Variants in SLC29A1 observed in about 807,000 individuals in gnomAD.
The protein encoded by SLC29A1 is solute carrier family 29 member 1 (Augustine blood group).
A neutral mutation model predicts 48.3 loss-of-function variants in SLC29A1; 22 were observed. That is an observed-to-expected ratio of 0.46 (90% confidence interval 0.33 to 0.65). The LOEUF is 0.65. Among genes scored for constraint, SLC29A1 ranks in the 30% least tolerant of loss-of-function variants. The pLI is 0.03. For missense variants in SLC29A1, 491 were observed against 575.3 expected, an observed-to-expected ratio of 0.85 and a Z score of 1.50; for synonymous variants, 228 against 231.0, an observed-to-expected ratio of 0.99 and a Z score of 0.12.
chr6:44,227,128 G>A, intron 1 of SLC29A1, 135 bp from the exon 2 acceptor site: 1 of 1,398,140 alleles, frequency 7.2e-7, no homozygotes, highest in African/African-American at 1.4e-5. Flanking sequence ...GTCCTGAGGG[G>A]CAGGGTGCAG....
chr6:44,231,371 G>T lies in SLC29A1; in HGVS notation c.774G>T (p.Glu258Asp). 3 of 1,595,410 alleles carry T rather than the reference G, an allele frequency of 1.9e-6. No individual in the cohort carries two copies. Among genetic ancestry groups the T allele is most frequent in the Non-Finnish European group, 2.6e-6 (3 of 1,167,300 alleles). Residue 258 changes from glutamate (E) to aspartate (D), a missense_variant, in exon 9 of 13, where the codon GAG becomes GAT. Physicochemically the swap from Glu to Asp is conservative, Grantham distance 45. Coordinates refer to ENST00000371755, the MANE Select transcript of SLC29A1 (RefSeq NM_001372327.1). ...TKLDLISKGEEPRAGKEESGV... is the reference protein window; with the variant it reads ...TKLDLISKGEDPRAGKEESGV... Reference sequence around the variant, plus strand: ...ATTTCTTCCATCCCGCAGGAGAGGAGCCAAGAGCAGGCAAAGAGGAATCTG... The same window carrying T: ...ATTTCTTCCATCCCGCAGGAGAGGATCCAAGAGCAGGCAAAGAGGAATCTG...
chr6:44,228,094 T>C (rs1381432873), intron 2 of SLC29A1, among the ~76,000 whole-genome samples: 2 of 152,260 alleles, frequency 1.3e-5, no homozygotes, highest in East Asian at 1.9e-4. Context: ...GCTAAAAGTA[T>C]CTACTTCCCA....
In SLC29A1 at chr6:44,233,570, G is replaced by C; in HGVS notation, c.*42G>C. Reference sequence around the variant, plus strand: ...GGACTGCCTGCCTCCCTCCCTGTCTGCCTCCTGCCCCTTCCTTCTGCCAGG... The same window carrying C: ...GGACTGCCTGCCTCCCTCCCTGTCTCCCTCCTGCCCCTTCCTTCTGCCAGG... On this transcript the variant is annotated 3_prime_UTR_variant, in exon 13 of 13. Transcript: ENST00000371755. 6.7e-7 allele frequency: 1 copy of C among 1,488,570 alleles called. No individual in the cohort carries two copies. The highest frequency in any genetic ancestry group is 9.4e-7 in the Non-Finnish European group (1 of 1,065,694). The allele number at this position is 1,488,570 out of a possible 1,614,324, so 92.2% of individuals were successfully genotyped here. A position where few individuals can be genotyped will look rare whatever the true frequency, so the allele number is the denominator to read the frequency against.
At chr6:44,228,001 A>G (rs1335600197) in intron 2 of SLC29A1, among the ~76,000 whole-genome samples, 1 of 152,180 alleles carries the variant, frequency 6.6e-6, no homozygotes, top group Non-Finnish European at 1.5e-5. Context: ...GCCAAAGGCT[A>G]TGAAACTAGG....
Position 44,232,704 on chromosome 6 carries a change from T to G in SLC29A1, c.1060-103T>G. On this transcript the variant is annotated intron_variant, in intron 11 of 12. Transcript: ENST00000371755. The surrounding 1 kb of genome is among the most constrained non-coding windows in gnomAD (Gnocchi z 4.7). The stretch of plus-strand genomic sequence containing the variant: ...TAACCCCCTAAGGAGAACCAGGCTT[T>G]GAGGTTTCAGTTCAGATCCTGAGGG... 4.7e-5 allele frequency: 51 copies of G among 1,074,652 alleles called. No homozygotes were observed. Among genetic ancestry groups the G allele is most frequent in the Non-Finnish European group, 6.4e-5 (46 of 724,386 alleles). The allele number at this position is 1,074,652 out of a possible 1,614,324, so 66.6% of individuals were successfully genotyped here. A position where few individuals can be genotyped will look rare whatever the true frequency, so the allele number is the denominator to read the frequency against.
At position 44,229,561 on chromosome 6, in the gene SLC29A1, T is replaced by C; in HGVS notation, c.112-28T>C. The C allele has an allele frequency of 6.2e-7, 1 of 1,612,816 alleles. No homozygotes were observed. On this transcript the variant is annotated intron_variant, in intron 3 of 12. Coordinates refer to ENST00000371755, the MANE Select transcript of SLC29A1 (RefSeq NM_001372327.1). This position sits in a 1 kb window ranked among gnomAD's most constrained non-coding sequence, Gnocchi z 5.1. Reference sequence around the variant, plus strand: ...GCTGGTAGGCACAGGGAAAGAGATTTCAACACTCCTCTCTGCAACCCCTGC... The same window carrying C: ...GCTGGTAGGCACAGGGAAAGAGATTCCAACACTCCTCTCTGCAACCCCTGC...
At chr6:44,221,883 G>A (rs1776470342), upstream of SLC29A1, among the ~76,000 whole-genome samples, 1 of 152,202 alleles carries the variant, frequency 6.6e-6, no homozygotes, top group Non-Finnish European at 1.5e-5. The surrounding 1 kb of genome is among the most constrained non-coding windows in gnomAD (Gnocchi z 4.2). Context: ...GTGGGGAGAG[G>A]AACCAGCCTT....
chr6:44,226,574 A>G (rs1036253449), intron 1 of SLC29A1: 15 of 191,026 alleles, frequency 7.9e-5, no homozygotes, highest in African/African-American at 1.2e-4. Flanking sequence ...GCAACTAGGA[A>G]GCCCCTGGGC....
chr6:44,230,747 A>T, intron 7 of SLC29A1, 64 bp from the exon 8 acceptor site: 1 of 1,580,686 alleles, frequency 6.3e-7, no homozygotes, highest in Non-Finnish European at 8.7e-7. Context: ...CAAAACCTGA[A>T]GGAGGCCGGG....
chr6:44,230,795 C>G lies in SLC29A1; in HGVS notation c.688-16C>G. The G allele has an allele frequency of 6.2e-7, 1 of 1,610,312 alleles. No individual in the cohort carries two copies. Reference sequence around the variant, plus strand: ...CTGCCTCTAAATCCACCTCCCCCGTCTCCCTTACTTGATAGGAATTCTACC... The same window carrying G: ...CTGCCTCTAAATCCACCTCCCCCGTGTCCCTTACTTGATAGGAATTCTACC... On this transcript the variant is annotated splice_polypyrimidine_tract_variant and intron_variant, in intron 7 of 12. Transcript: ENST00000371755.
intron 1 of SLC29A1, chr6:44,224,033 CGAGCGGAGGTGCAGGCTCGCG>C (rs1776906780): frequency 2.9e-5 from 1 of 34,672 alleles, no homozygotes; most frequent in African/African-American, 1.4e-3. Context: ...TGGAGGCTCG[CGAGCGGAGGTGCAGGCTCGCG>C]AGCGGAGGTG....
Position 44,230,377 on chromosome 6 carries a change from TTGGTC to T in SLC29A1, c.489_493del (p.Leu164TrpfsTer76). On this transcript the variant is annotated frameshift_variant, in exon 6 of 13. Transcript: ENST00000371755. LOFTEE classifies it high-confidence loss of function. ...GGTGCCATCCTGCAGGGCAGCCTGT[TTGGTC>T]TGGCTGGCCTTCTGCCTGCCAGCTA... The T allele has an allele frequency of 6.2e-7, 1 of 1,613,842 alleles. No individual in the cohort carries two copies. The highest frequency in any genetic ancestry group is 8.5e-7 in the Non-Finnish European group (1 of 1,179,748).
At chr6:44,228,984 C>T (rs1778211875) in intron 2 of SLC29A1, among the ~76,000 whole-genome samples, 1 of 152,220 alleles carries the variant, frequency 6.6e-6, no homozygotes, top group African/African-American at 2.4e-5. Flanking sequence ...TAATTACTTC[C>T]AGCCTGCCTG....
chr6:44,233,975 C>T lies in SLC29A1; in HGVS notation c.*447C>T, dbSNP rs112703920. ...TATACTCCATTCTCCCCTGCGCCTC[C>T]TCCTCTGTGTTCTCTCCATGTCCCC... is the stretch of plus-strand genomic sequence containing the variant. On this transcript the variant is annotated 3_prime_UTR_variant, in exon 13 of 13. Coordinates refer to ENST00000371755, the MANE Select transcript of SLC29A1 (RefSeq NM_001372327.1). 382 of 172,674 alleles carry T rather than the reference C, an allele frequency of 2.2e-3. 1 individual carries two copies. The highest frequency in any genetic ancestry group is 8.1e-3 in the Middle Eastern group (3 of 370). The allele number at this position is 172,674 out of a possible 1,614,324, so 10.7% of individuals were successfully genotyped here.
Position 44,230,816 on chromosome 6 carries a change from C to G in SLC29A1, c.693C>G (p.Phe231Leu). ...CCGTCTCCCTTACTTGATAGGAATT[C>G]TACCGCTACTACCAGCAGCTCAAGC... is the stretch of plus-strand genomic sequence containing the variant. ...ICYLGLPRLE[F>L]YRYYQQLKLE... The change falls in exon 8 of 13, where the codon TTC becomes TTG. Residue 231 changes from phenylalanine (F) to leucine (L), a missense_variant. Coordinates refer to ENST00000371755, the MANE Select transcript of SLC29A1 (RefSeq NM_001372327.1). 1 of 1,613,898 alleles carries G rather than the reference C, an allele frequency of 6.2e-7. No homozygotes were observed. The highest frequency in any genetic ancestry group is 8.5e-7 in the Non-Finnish European group (1 of 1,179,766).
intron 2 of SLC29A1, among the ~76,000 whole-genome samples, chr6:44,228,577 G>C (rs955609639): frequency 2.0e-5 from 3 of 152,272 alleles, no homozygotes; most frequent in Non-Finnish European, 4.4e-5. Context: ...GAGAGCTGGT[G>C]TTGGCTCTGG....
intron 2 of SLC29A1, 54 bp downstream of exon 2, chr6:44,227,396 G>C: frequency 6.7e-7 from 1 of 1,493,634 alleles, no homozygotes; most frequent in Non-Finnish European, 9.3e-7. Context: ...TCAGGGAGCT[G>C]GGTGTGGTGT....
At chr6:44,233,173 G>C (rs1030310879) in intron 12 of SLC29A1, among the ~76,000 whole-genome samples, 167 bp downstream of exon 12, 1 of 152,168 alleles carries the variant, frequency 6.6e-6, no homozygotes, top group Non-Finnish European at 1.5e-5. Flanking sequence ...TGTAGTGGAG[G>C]GGGGCGCCAA....
chr6:44,232,911 G>A lies in SLC29A1; in HGVS notation c.1164G>A (p.Val388=). ...TTAAGCCCCGCCGCTACCTGACTGT[G>A]GTCTTCGAGCACGATGCCTGGTTCA... ...CNIKPRRYLT[V]VFEHDAWFIF... The change falls in exon 12 of 13, where the codon GTG becomes GTA. Residue 388 remains valine, a synonymous_variant. Transcript: ENST00000371755. This position sits in a 1 kb window ranked among gnomAD's most constrained non-coding sequence, Gnocchi z 4.7. 1 of 1,614,198 alleles carries A rather than the reference G, an allele frequency of 6.2e-7. No individual in the cohort carries two copies. Among genetic ancestry groups the A allele is most frequent in the Admixed American group, 1.7e-5 (1 of 60,036 alleles).
Sources: gnomAD v4.1 joint callset for allele counts (sites outside exome capture counted in the v4.1 genomes callset) on GRCh38, gnomAD v4.1.1 for gene constraint, Gnocchi (gnomAD v3.1) non-coding constraint, MANE v1.5 for transcripts, NCBI Gene and HGNC (gene_info 2026-07-23, HGNC 2026-07-21) for gene names.